The following CLDN10 variants were observed in gnomAD, a reference collection of about 807,000 sequenced individuals.
CLDN10 encodes the protein claudin 10.
Under a neutral mutation model 22.9 loss-of-function variants are expected in CLDN10, and 15 were observed. That is an observed-to-expected ratio of 0.65 (90% CI 0.44 to 1.01). The LOEUF (loss-of-function observed/expected upper bound fraction) is 1.01. Among genes scored for constraint, CLDN10 ranks in the 50% least tolerant of loss-of-function variants. The pLI, the probability that CLDN10 is intolerant of heterozygous loss-of-function variation, is 0.00. For missense variants in CLDN10, 247 were observed against 287.8 expected (o/e 0.86, Z 1.03); for synonymous variants, 114 against 111.4 (o/e 1.02, Z -0.15).
At chr13:95,488,363 TTTTTAAC>T (rs1236468959) in intron 1 of CLDN10, among the ~76,000 whole-genome samples, 12 of 151,628 alleles carry the variant, frequency 7.9e-5, no homozygotes, top group African/African-American at 2.9e-4. Flanking sequence ...TTTTAACAAT[TTTTTAAC>T]AATTTTTTTT....
At chr13:95,504,927 A>G (rs1594571223) in intron 1 of CLDN10, among the ~76,000 whole-genome samples, 1 of 152,312 alleles carries the variant, frequency 6.6e-6, no homozygotes, top group East Asian at 1.9e-4. Flanking sequence ...AATTTCAAGA[A>G]GTAGAAGGAG....
At chr13:95,461,342 T>C (rs918247066) in intron 1 of CLDN10, among the ~76,000 whole-genome samples, 3 of 152,314 alleles carry the variant, frequency 2.0e-5, no homozygotes, top group East Asian at 3.9e-4. Context: ...TGCTCTTTGA[T>C]TTCTATCCCT....
chr13:95,516,241 A>G (rs1310492679), intron 1 of CLDN10, among the ~76,000 whole-genome samples: 1 of 152,254 alleles, frequency 6.6e-6, no homozygotes, highest in Non-Finnish European at 1.5e-5. Context: ...TCGGTTGGCC[A>G]GTAGCCCAGA....
chr13:95,559,161 C>G (rs1207961963), intron 1 of CLDN10, among the ~76,000 whole-genome samples: 1 of 152,158 alleles, frequency 6.6e-6, no homozygotes, highest in African/African-American at 2.4e-5. Context: ...CTTACTTACA[C>G]CCGGTATGTG....
At chr13:95,501,206 G>A (rs1024415300) in intron 1 of CLDN10, among the ~76,000 whole-genome samples, 8 of 152,018 alleles carry the variant, frequency 5.3e-5, no homozygotes, top group Non-Finnish European at 1.2e-4. Context: ...TAGAGACAGG[G>A]ATTCACCATG....
chr13:95,548,552 A>G (rs144054132), upstream of CLDN10, among the ~76,000 whole-genome samples: 2 of 152,338 alleles, frequency 1.3e-5, no homozygotes, highest in Admixed American at 1.3e-4. Flanking sequence ...TCATTCTGTA[A>G]CTATTCCTAT....
At chr13:95,556,098 T>G (rs903268922) in intron 1 of CLDN10, among the ~76,000 whole-genome samples, 5 of 151,894 alleles carry the variant, frequency 3.3e-5, no homozygotes, top group African/African-American at 1.2e-4. Flanking sequence ...CAGGACAGAG[T>G]GCCATGGCAT....
chr13:95,538,153 CTTTTTTTT>C (rs1176533524), intron 1 of CLDN10, among the ~76,000 whole-genome samples: 17 of 66,820 alleles, frequency 2.5e-4, no homozygotes, highest in Non-Finnish European at 4.4e-4. Flanking sequence ...CTGTTTATTT[CTTTTTTTT>C]TTTTTTTTTT....
At chr13:95,542,395 A>T (rs2043468382) in intron 1 of CLDN10, among the ~76,000 whole-genome samples, 1 of 152,256 alleles carries the variant, frequency 6.6e-6, no homozygotes, top group South Asian at 2.1e-4. Flanking sequence ...GATGTAGAGT[A>T]TGAATGTATG....
chr13:95,551,108 G>A (rs554544407), upstream of CLDN10, among the ~76,000 whole-genome samples: 6 of 152,160 alleles, frequency 3.9e-5, no homozygotes, highest in Non-Finnish European at 8.8e-5. Context: ...ACCCATTCAC[G>A]AAAGCCATGG....
intron 1 of CLDN10, among the ~76,000 whole-genome samples, chr13:95,493,136 GTAAGGGTCAGTGGAC>G (rs1407704971): frequency 6.6e-6 from 1 of 152,004 alleles, no homozygotes; most frequent in Non-Finnish European, 1.5e-5. Flanking sequence ...CCAGCTGAGG[GTAAGGGTCAGTGGAC>G]CCTGCAACTC....
At chr13:95,442,835 G>A (rs371184065) in intron 1 of CLDN10, among the ~76,000 whole-genome samples, 2 of 152,228 alleles carry the variant, frequency 1.3e-5, no homozygotes, top group African/African-American at 2.4e-5. Context: ...TGCAAATGGA[G>A]GTAATAATAC....
At chr13:95,510,167 C>T (rs2043081333) in intron 1 of CLDN10, among the ~76,000 whole-genome samples, 1 of 152,204 alleles carries the variant, frequency 6.6e-6, no homozygotes, top group Non-Finnish European at 1.5e-5. Flanking sequence ...CTTCCCTTTC[C>T]CCAGAGGGAC....
At chr13:95,499,414 C>T (rs945239667) in intron 1 of CLDN10, among the ~76,000 whole-genome samples, 33 of 152,228 alleles carry the variant, frequency 2.2e-4, no homozygotes, top group African/African-American at 7.7e-4. Flanking sequence ...TGGTGGCAAG[C>T]GCTTGTAATC....
At chr13:95,547,002 T>C (rs1311757844) in intron 1 of CLDN10, among the ~76,000 whole-genome samples, 1 of 151,878 alleles carries the variant, frequency 6.6e-6, no homozygotes, top group East Asian at 1.9e-4. Context: ...CTTGAACTCC[T>C]AGCTCATGCT....
chr13:95,491,414 A>T (rs1446295418), intron 1 of CLDN10, among the ~76,000 whole-genome samples: 1 of 151,894 alleles, frequency 6.6e-6, no homozygotes, highest in Non-Finnish European at 1.5e-5. Context: ...CCTTGTCTTC[A>T]AGCTCTGAAT....
At chr13:95,499,644 C>G (rs181996725) in intron 1 of CLDN10, among the ~76,000 whole-genome samples, 1 of 152,322 alleles carries the variant, frequency 6.6e-6, no homozygotes, top group African/African-American at 2.4e-5. Flanking sequence ...CAGACCTGAC[C>G]AGCCCTGCTG....
chr13:95,532,248 T>C (rs2043351364), intron 1 of CLDN10, among the ~76,000 whole-genome samples: 1 of 152,096 alleles, frequency 6.6e-6, no homozygotes, highest in Non-Finnish European at 1.5e-5. Flanking sequence ...AGAGAACATA[T>C]TCACTAAGAA....
intron 1 of CLDN10, among the ~76,000 whole-genome samples, chr13:95,524,980 C>T (rs967320103): frequency 1.3e-5 from 2 of 152,002 alleles, no homozygotes; most frequent in African/African-American, 4.8e-5. Context: ...CTGCCTCGGC[C>T]TCCTGAGTAG....
Sources: allele counts gnomAD v4.1 joint callset (sites outside exome capture counted in the v4.1 genomes callset), GRCh38; gene constraint gnomAD v4.1.1; transcripts MANE v1.5; gene names NCBI Gene and HGNC (gene_info 2026-07-23, HGNC 2026-07-21).